Variants in IL17RC observed in about 807,000 individuals in gnomAD.
IL17RC encodes the protein interleukin-17 receptor C.
IL17RC carries 53 observed loss-of-function variants against 86.7 expected under a neutral mutation model. That is an observed-to-expected ratio of 0.61 (90% CI 0.49 to 0.77). IL17RC has a LOEUF of 0.77. Ranked by LOEUF, IL17RC falls within the 30% of genes least tolerant of loss-of-function variation. The pLI is 0.00. For synonymous variants in IL17RC, 439 were observed against 413.1 expected, an observed-to-expected ratio of 1.06 and a Z score of -0.76; for missense variants, 957 against 940.0, an observed-to-expected ratio of 1.02 and a Z score of -0.24.
chr3:9,918,238 T>G, intron 3 of IL17RC, 97 bp from the exon 4 acceptor site: 1 of 1,345,442 alleles, frequency 7.4e-7, no homozygotes, highest in Non-Finnish European at 1.0e-6. Context: ...CAGCCCCTGC[T>G]TCCCAGCACT....
At chr3:9,925,670 C>T (rs1051587901) in intron 9 of IL17RC, among the ~76,000 whole-genome samples, 15 of 151,942 alleles carry the variant, frequency 9.9e-5, no homozygotes, top group Admixed American at 6.6e-4. Flanking sequence ...AACATTGTTA[C>T]ATCCAGTGGA....
Position 9,917,663 on chromosome 3 carries a change from G to A in IL17RC, c.106-50G>A, listed in dbSNP as rs906063191. ...GTGGAGGTCTTAGGCAGAGAACAGT[G>A]CCTAGATGGTGGGGGCACAAATTCT... On this transcript the variant is annotated intron_variant, in intron 1 of 18. Transcript: ENST00000403601. The A allele has an allele frequency of 3.1e-6, 5 of 1,613,922 alleles. No homozygotes were observed. In the Admixed American group the frequency reaches 5.0e-5, roughly 16 times the overall value.
chr3:9,933,102 G>T lies in IL17RC; in HGVS notation c.1672G>T (p.Gly558Trp), dbSNP rs756122592. 6.4e-7 allele frequency: 1 copy of T among 1,574,500 alleles called. No homozygotes were observed. The highest frequency in any genetic ancestry group is 8.6e-7 in the Non-Finnish European group (1 of 1,166,284). Residue 558 changes from glycine (G) to tryptophan (W), a missense_variant, in exon 19 of 19, where the codon GGG becomes TGG. Coordinates refer to ENST00000403601, the MANE Select transcript of IL17RC (RefSeq NM_153460.4). The stretch of plus-strand genomic sequence containing the variant: ...GAGCCGTCGTGAACTGAGCGCGCAG[G>T]GGCCCGTGGCTTGGTTTCACGCGCA... ...LWSRRELSAQ[G>W]PVAWFHAQRR...
rs773601461 is a variant in IL17RC, at chr3:9,920,523, C to T, written c.498C>T (p.Ala166=). Residue 166 remains alanine (A), a synonymous_variant, in exon 6 of 19, where the codon GCC becomes GCT. Coordinates refer to ENST00000403601, the MANE Select transcript of IL17RC (RefSeq NM_153460.4). ...GSVVYDCFEA[A]LGSEVRIWSY... ...TGGTATATGACTGCTTCGAGGCTGC[C>T]CTAGGGAGTGAGGTACGAATCTGGT... The T allele has an allele frequency of 3.6e-5, 58 of 1,606,576 alleles. No individual in the cohort carries two copies. The highest frequency in any genetic ancestry group is 4.8e-5 in the Non-Finnish European group (56 of 1,175,890).
chr3:9,926,784 G>A (rs896031018), intron 9 of IL17RC, among the ~76,000 whole-genome samples: 1 of 151,950 alleles, frequency 6.6e-6, no homozygotes, highest in African/African-American at 2.4e-5. Flanking sequence ...CACCATGCCC[G>A]GCTAATTTTT....
rs2084543851 is a variant in IL17RC, at chr3:9,930,391, G to A, written c.1279-9G>A. 2 of 1,613,992 alleles carry A rather than the reference G, an allele frequency of 1.2e-6. No individual in the cohort carries two copies. The highest frequency in any genetic ancestry group is 8.5e-7 in the Non-Finnish European group (1 of 1,180,014). ...CAGGTAACAGTGCCCCCATCCTTTG[G>A]CTTGGCAGAGGGCAGCTCGCCTTGG... On this transcript the variant is annotated splice_polypyrimidine_tract_variant and intron_variant, in intron 14 of 18. Coordinates refer to ENST00000403601, the MANE Select transcript of IL17RC (RefSeq NM_153460.4). The surrounding 1 kb of genome is among the most constrained non-coding windows in gnomAD (Gnocchi z 5.8).
rs557824822 is a variant in IL17RC, at chr3:9,923,769, C to T, written c.623-112C>T. The T allele has an allele frequency of 2.4e-5, 28 of 1,185,698 alleles. No individual in the cohort carries two copies. The Middle Eastern group carries it at 1.5e-3, about 62-fold the overall frequency. 73.4% of individuals were successfully genotyped at this position (1,185,698 alleles called of 1,614,324 possible). A position where few individuals can be genotyped will look rare whatever the true frequency, so the allele number is the denominator to read the frequency against. On this transcript the variant is annotated intron_variant, in intron 7 of 18. Transcript: ENST00000403601. ...GTCTGAAATGATGACACACGCTCTG[C>T]CCTCCGAGAGCCTCCCAGTCTAGGG...
intron 9 of IL17RC, among the ~76,000 whole-genome samples, chr3:9,927,431 G>C (rs544385923): frequency 6.6e-6 from 1 of 151,776 alleles, no homozygotes; most frequent in Non-Finnish European, 1.5e-5. Context: ...GGTGATGTGC[G>C]CCTGTAGTCC....
chr3:9,922,354 GT>G (rs1003658100), intron 7 of IL17RC, among the ~76,000 whole-genome samples: 41 of 152,254 alleles, frequency 2.7e-4, no homozygotes, highest in African/African-American at 9.9e-4. Flanking sequence ...ACTACTAAAT[GT>G]TTTCAACTTC....
chr3:9,933,260 C>G lies in IL17RC; in HGVS notation c.1830C>G (p.Arg610=), dbSNP rs780294010. Residue 610 remains arginine, a synonymous_variant, in exon 19 of 19, where the codon CGC becomes CGG. Transcript: ENST00000403601. ...CGCACGGCCCGCACGACGCCTTCCGCGCCTCGCTCAGCTGCGTGCTGCCCG... is the reference window on the plus strand; with the variant it reads ...CGCACGGCCCGCACGACGCCTTCCGGGCCTCGCTCAGCTGCGTGCTGCCCG... ...PGAHGPHDAF[R]ASLSCVLPDF... is the part of the protein sequence containing the mutation. 2 of 1,603,898 alleles carry G rather than the reference C, an allele frequency of 1.2e-6. No individual in the cohort carries two copies. Among genetic ancestry groups the G allele is most frequent in the African/African-American group, 2.7e-5 (2 of 74,574 alleles).
chr3:9,923,068 C>T (rs1211674255), intron 7 of IL17RC, among the ~76,000 whole-genome samples: 3 of 151,290 alleles, frequency 2.0e-5, no homozygotes, highest in Admixed American at 1.3e-4. Context: ...CCCAGCTACT[C>T]GGGAGCCTGA....
chr3:9,928,378 C>A lies in IL17RC; in HGVS notation c.951C>A (p.Asp317Glu), dbSNP rs151110374. 1 of 1,604,694 alleles carries A rather than the reference C, an allele frequency of 6.2e-7. No individual in the cohort carries two copies. The highest frequency in any genetic ancestry group is 1.3e-5 in the African/African-American group (1 of 74,720). The change falls in exon 11 of 19, where the codon GAC becomes GAA. Residue 317 changes from aspartate (D) to glutamate (E), a missense_variant. By Grantham distance (45) the Asp-to-Glu change is conservative. Transcript: ENST00000403601. ...TGACCCTGCAGAGCTGGCTGCTGGA[C>A]GCACCGTGCTCGCTGCCCGCAGAAG... ...QLLTLQSWLLDAPCSLPAEAA... is the reference protein window; with the variant it reads ...QLLTLQSWLLEAPCSLPAEAA...
In IL17RC at chr3:9,932,690, G is replaced by A; in HGVS notation, c.1470G>A (p.Lys490=). The change falls in exon 17 of 19, where the codon AAG becomes AAA. Residue 490 remains lysine, a synonymous_variant. Transcript: ENST00000403601. ...AALSLILLLK[K]DHAKGWLRLL... ...TTTCCCTCATCCTCCTTCTCAAAAA[G>A]GATCACGCGAAAGGTGAGCGCTTCC... is the stretch of plus-strand genomic sequence containing the variant. 1 of 1,614,190 alleles carries A rather than the reference G, an allele frequency of 6.2e-7. No individual in the cohort carries two copies. The highest frequency in any genetic ancestry group is 8.5e-7 in the Non-Finnish European group (1 of 1,180,036).
At chr3:9,928,724 T>G (rs2084354379) in intron 12 of IL17RC, 94 bp downstream of exon 12, 4 of 1,331,624 alleles carry the variant, frequency 3.0e-6, no homozygotes, top group Non-Finnish European at 4.3e-6. Context: ...TAAAGCATAG[T>G]GGTTGCCAGC....
Position 9,932,996 on chromosome 3 carries a change from T to G in IL17RC, c.1566T>G (p.Asp522Glu), listed in dbSNP as rs1289685285. ...CGGCTCTGCTCCTCTACTCAGCCGATGACTCGGGTTTCGAGCGCCTGGTGG... is the reference window on the plus strand; with the variant it reads ...CGGCTCTGCTCCTCTACTCAGCCGAGGACTCGGGTTTCGAGCGCCTGGTGG... Reference protein sequence around the residue: ...GRAALLLYSADDSGFERLVGA... With the variant: ...GRAALLLYSAEDSGFERLVGA... Residue 522 changes from aspartate to glutamate, a missense_variant, in exon 19 of 19, where the codon GAT (aspartate) becomes GAG (glutamate). Coordinates refer to ENST00000403601, the MANE Select transcript of IL17RC (RefSeq NM_153460.4). 1 of 1,578,242 alleles carries G rather than the reference T, an allele frequency of 6.3e-7. No homozygotes were observed. Among genetic ancestry groups the G allele is most frequent in the Admixed American group, 1.9e-5 (1 of 51,562 alleles).
intron 9 of IL17RC, among the ~76,000 whole-genome samples, chr3:9,925,689 C>G (rs2083995244): frequency 1.3e-5 from 2 of 152,004 alleles, no homozygotes; most frequent in Non-Finnish European, 2.9e-5. Flanking sequence ...GAGCTACTTA[C>G]CAAGATACAG....
intron 10 of IL17RC, 29 bp from the exon 11 acceptor site, chr3:9,928,276 C>T (rs771309849): frequency 6.0e-5 from 97 of 1,612,756 alleles, no homozygotes; most frequent in Non-Finnish European, 8.1e-5. Context: ...GGGTACCTGG[C>T]CTGCGGTGAC....
rs2125117518 is a variant in IL17RC, at chr3:9,917,708, C to G, written c.106-5C>G. On this transcript the variant is annotated splice_polypyrimidine_tract_variant and splice_region_variant and intron_variant, in intron 1 of 18. Coordinates refer to ENST00000403601, the MANE Select transcript of IL17RC (RefSeq NM_153460.4). ...AATTCTGACTCTCCTTTCTTTCCTT[C>G]CCAGGGCCTCTCCTGCCGCCTCTGG... 3.1e-6 allele frequency: 5 copies of G among 1,613,778 alleles called. No homozygotes were observed. The highest frequency in any genetic ancestry group is 1.6e-4 in the Middle Eastern group (1 of 6,062).
Position 9,930,494 on chromosome 3 carries a change from C to CT in IL17RC, c.1338+36dup. ...TGGAAGAAGGGCCCCACCTCAATGCCTAGGGGCAACAGGCCTAAAACTAGC... is the reference window on the plus strand; with the variant it reads ...TGGAAGAAGGGCCCCACCTCAATGCCTTAGGGGCAACAGGCCTAAAACTAGC... On this transcript the variant is annotated intron_variant, in intron 15 of 18. Coordinates refer to ENST00000403601, the MANE Select transcript of IL17RC (RefSeq NM_153460.4). The surrounding 1 kb of genome is among the most constrained non-coding windows in gnomAD (Gnocchi z 5.8). 6.2e-7 allele frequency: 1 copy of CT among 1,600,778 alleles called. No individual in the cohort carries two copies. The highest frequency in any genetic ancestry group is 8.6e-7 in the Non-Finnish European group (1 of 1,168,664).
Sources: allele counts gnomAD v4.1 joint callset (sites outside exome capture counted in the v4.1 genomes callset), GRCh38; gene constraint gnomAD v4.1.1; non-coding constraint Gnocchi (gnomAD v3.1); transcripts MANE v1.5; gene names NCBI Gene and HGNC (gene_info 2026-07-23, HGNC 2026-07-21).